C16orf96: variants seen among roughly 807,000 people sequenced by gnomAD.
C16orf96 encodes chromosome 16 open reading frame 96.
A neutral mutation model predicts 103.6 loss-of-function variants in C16orf96; 108 were observed. That is an observed-to-expected ratio of 1.04 (90% confidence interval 0.89 to 1.22). C16orf96 has a LOEUF of 1.22. C16orf96 is among the 50% of genes most tolerant of loss of function. C16orf96 has a pLI of 0.00. For missense variants in C16orf96, 1,586 were observed against 1,464.2 expected (o/e 1.08, Z -1.36); for synonymous variants, 566 against 593.5 (o/e 0.95, Z 0.67).
intron 14 of C16orf96, among the ~76,000 whole-genome samples, chr16:4,596,473 A>C (rs896649319): frequency 7.5e-6 from 1 of 133,520 alleles, no homozygotes; most frequent in African/African-American, 2.7e-5. Flanking sequence ...CAACAGAGCG[A>C]GACTTCGTCT....
At chr16:4,551,460 G>C (rs115796088), upstream of C16orf96, among the ~76,000 whole-genome samples, 2,477 of 152,104 alleles carry the variant, frequency 0.016, 73 homozygotes, top group African/African-American at 0.055. Flanking sequence ...TTGTTTGTTT[G>C]TTTGTTTTTG....
At chr16:4,540,467 T>C in the C16orf96 span, among the ~76,000 whole-genome samples, 1 of 152,090 alleles carries the variant, frequency 6.6e-6, no homozygotes. Context: ...GCGTGGTGGC[T>C]CATGCCTGTA....
intron 10 of C16orf96, 72 bp from the exon 11 acceptor site, chr16:4,592,233 T>G (rs1296437114): frequency 6.5e-6 from 10 of 1,534,866 alleles, no homozygotes; most frequent in Non-Finnish European, 4.4e-6. Context: ...CCTGGGGCTC[T>G]GGCTGGCTGC....
In C16orf96 at chr16:4,575,806, G is replaced by A. The variant is rs2059498324; in HGVS notation, c.1326G>A (p.Gln442=). 4 of 1,551,078 alleles carry A rather than the reference G, an allele frequency of 2.6e-6. No homozygotes were observed. Among genetic ancestry groups the A allele is most frequent in the East Asian group, 4.9e-5 (2 of 40,930 alleles). The part of the protein sequence containing the change: ...SLWPRPLQPY[Q]SRQGEALQLA... ...GGCCTCGACCACTCCAGCCATATCA[G>A]TCTCGCCAGGGAGAAGCCCTCCAGC... Residue 442 remains glutamine (Q), a synonymous_variant, in exon 5 of 16, where the codon CAG becomes CAA. Transcript: ENST00000444310.
At chr16:4,580,895 TGG>T (rs1269269685) in intron 7 of C16orf96, among the ~76,000 whole-genome samples, 32 of 149,270 alleles carry the variant, frequency 2.1e-4, no homozygotes, top group African/African-American at 7.4e-4. Flanking sequence ...GAGGCTGAGG[TGG>T]GCGGATCATC....
chr16:4,577,765 G>T (rs547511454), intron 5 of C16orf96, among the ~76,000 whole-genome samples: 1 of 152,180 alleles, frequency 6.6e-6, no homozygotes, highest in African/African-American at 2.4e-5. Context: ...AGACCAGCCT[G>T]GCCAACATAG....
At chr16:4,571,801 A>C (rs2059441733) in intron 2 of C16orf96, 136 bp downstream of exon 2, 1 of 690,976 alleles carries the variant, frequency 1.4e-6, no homozygotes, top group African/African-American at 1.8e-5. Context: ...TGGACCCTCC[A>C]ATTGGCCAGT....
chr16:4,565,599 G>A (rs201821554), intron 1 of C16orf96, among the ~76,000 whole-genome samples: 1 of 152,152 alleles, frequency 6.6e-6, no homozygotes, highest in Non-Finnish European at 1.5e-5. Context: ...AGTGATTCTT[G>A]TGCCTCAGCC....
In C16orf96 at chr16:4,576,541, G is replaced by C; in HGVS notation, c.2061G>C (p.Met687Ile). The change falls in exon 5 of 16, where the codon ATG (methionine) becomes ATC (isoleucine). Residue 687 changes from methionine to isoleucine, a missense_variant. Physicochemically the swap from Met to Ile is conservative, Grantham distance 10. Transcript: ENST00000444310. Reference sequence around the variant, plus strand: ...AGAAGAGGGCTGTCAAGTATTCCATGAGCCACATAGCCCAGATACCTGTCA... The same window carrying C: ...AGAAGAGGGCTGTCAAGTATTCCATCAGCCACATAGCCCAGATACCTGTCA... ...EDKKRAVKYS[M>I]SHIAQIPVKH... The C allele has an allele frequency of 1.9e-6, 3 of 1,551,588 alleles. No individual in the cohort carries two copies. Among genetic ancestry groups the C allele is most frequent in the Non-Finnish European group, 2.6e-6 (3 of 1,147,002 alleles).
the C16orf96 span, among the ~76,000 whole-genome samples, chr16:4,548,926 A>G: frequency 6.6e-6 from 1 of 150,638 alleles, no homozygotes; most frequent in African/African-American, 2.4e-5. Flanking sequence ...CTCTATAACC[A>G]GTGCCATCTG....
At chr16:4,563,223 C>T (rs2059351062) in intron 1 of C16orf96, 2 of 556,180 alleles carry the variant, frequency 3.6e-6, no homozygotes, top group Non-Finnish European at 3.4e-6. Flanking sequence ...AGTGGAACAC[C>T]CTCTTGCTCG....
At chr16:4,539,414 TG>T in the C16orf96 span, among the ~76,000 whole-genome samples, 50 of 152,348 alleles carry the variant, frequency 3.3e-4, no homozygotes, top group East Asian at 5.8e-3. Context: ...CCCAGCTCAG[TG>T]GCTAACGCCT....
At chr16:4,548,089 G>A in the C16orf96 span, among the ~76,000 whole-genome samples, 1 of 152,170 alleles carries the variant, frequency 6.6e-6, no homozygotes, top group Non-Finnish European at 1.5e-5. Context: ...ATCAGAAAAG[G>A]AGGGGCAGGG....
chr16:4,575,418 C>G lies in C16orf96; in HGVS notation c.938C>G (p.Thr313Arg). ...AQEPAQPPAL[T>R]PESAPGCTTE... ...GAGCCAGCGCAGCCTCCGGCCCTCA[C>G]GCCTGAGTCTGCACCTGGGTGCACA... is the stretch of plus-strand genomic sequence containing the variant. The change falls in exon 5 of 16, where the codon ACG (threonine) becomes AGG (arginine). Residue 313 changes from threonine (T) to arginine (R), a missense_variant. Thr to Arg is a moderately conservative substitution (Grantham distance 71). Coordinates refer to ENST00000444310, the MANE Select transcript of C16orf96 (RefSeq NM_001145011.2). The G allele has an allele frequency of 5.8e-6, 9 of 1,550,160 alleles. No individual in the cohort carries two copies. The highest frequency in any genetic ancestry group is 7.8e-6 in the Non-Finnish European group (9 of 1,146,876).
intron 1 of C16orf96, among the ~76,000 whole-genome samples, chr16:4,563,328 C>T (rs2059352574): frequency 6.6e-6 from 1 of 152,128 alleles, no homozygotes; most frequent in African/African-American, 2.4e-5. Flanking sequence ...CAGCTCACTG[C>T]AGCCTCAACC....
At position 4,575,367 on chromosome 16, in the gene C16orf96, A is replaced by C. The variant is rs779135465; in HGVS notation, c.887A>C (p.Gln296Pro). Residue 296 changes from glutamine (Q) to proline (P), a missense_variant, in exon 5 of 16, where the codon CAA (glutamine) becomes CCA (proline). Physicochemically the swap from Gln to Pro is moderately conservative, Grantham distance 76. Coordinates refer to ENST00000444310, the MANE Select transcript of C16orf96 (RefSeq NM_001145011.2). ...PELLPEGSSA[Q>P]AVSLSRAQEP... The stretch of plus-strand genomic sequence containing the variant: ...CTCCTCCCGGAGGGCTCATCTGCCC[A>C]AGCAGTTTCACTCAGCAGAGCCCAG... 2.6e-6 allele frequency: 4 copies of C among 1,551,120 alleles called. No individual in the cohort carries two copies. The South Asian group carries it at 4.8e-5, about 18-fold the overall frequency.
In C16orf96 at chr16:4,593,325, G is replaced by C. The variant is rs1897102304; in HGVS notation, c.2867+9G>C. On this transcript the variant is annotated intron_variant, in intron 12 of 15. Coordinates refer to ENST00000444310, the MANE Select transcript of C16orf96 (RefSeq NM_001145011.2). The surrounding 1 kb of genome is among the most constrained non-coding windows in gnomAD (Gnocchi z 4.2). ...CAGCGGCAACAGATGAGGTGAGCAG[G>C]ATGGGCGCCCCGCAGGGAGGCCGCC... The C allele has an allele frequency of 3.2e-6, 5 of 1,549,798 alleles. No individual in the cohort carries two copies. Among genetic ancestry groups the C allele is most frequent in the Non-Finnish European group, 3.5e-6 (4 of 1,146,600 alleles).
intron 1 of C16orf96, among the ~76,000 whole-genome samples, chr16:4,557,126 C>T (rs972415121): frequency 1.1e-4 from 17 of 152,268 alleles, no homozygotes; most frequent in Middle Eastern, 3.4e-3. Flanking sequence ...CATGCCACCA[C>T]ACCCGGCTAA....
At position 4,600,197 on chromosome 16, in the gene C16orf96, A is replaced by G. The variant is rs1160285553; in HGVS notation, c.3306A>G (p.Pro1102=). The change falls in exon 16 of 16, where the codon CCA becomes CCG. Residue 1102 remains proline, a synonymous_variant. Coordinates refer to ENST00000444310, the MANE Select transcript of C16orf96 (RefSeq NM_001145011.2). The part of the protein sequence containing the change: ...PPSLPPLLLL[P]PLIPSLRDPQ... ...CCCTGCCACCTCTGCTGCTGCTGCC[A>G]CCGCTGATTCCATCCCTAAGGGACC... 9.7e-6 allele frequency: 15 copies of G among 1,550,918 alleles called. No homozygotes were observed. Among genetic ancestry groups the G allele is most frequent in the Non-Finnish European group, 1.2e-5 (14 of 1,146,862 alleles).
Sources: allele counts gnomAD v4.1 joint callset (sites outside exome capture counted in the v4.1 genomes callset), GRCh38; gene constraint gnomAD v4.1.1; non-coding constraint Gnocchi (gnomAD v3.1); transcripts MANE v1.5; gene names NCBI Gene and HGNC (gene_info 2026-07-23, HGNC 2026-07-21).